DPP10: variants seen among roughly 807,000 people sequenced by gnomAD.
The protein encoded by DPP10 is inactive dipeptidyl peptidase 10.
Under a neutral mutation model 120.9 loss-of-function variants are expected in DPP10, and 33 were observed. The observed-to-expected ratio is 0.27, with a 90% CI of 0.21 to 0.37. The LOEUF is 0.37. Ranked by LOEUF, DPP10 falls within the 10% of genes least tolerant of loss-of-function variation. The pLI is 1.00. For missense variants in DPP10, 816 were observed against 942.8 expected, an observed-to-expected ratio of 0.87 and a Z score of 1.76; for synonymous variants, 337 against 326.1, an observed-to-expected ratio of 1.03 and a Z score of -0.36.
At position 114,567,193 on chromosome 2, in the gene DPP10, T is replaced by A. The variant is rs778411891; in HGVS notation, c.60+124355T>A. On this transcript the variant is annotated intron_variant, in intron 1 of 25. Coordinates refer to ENST00000410059, the MANE Select transcript of DPP10 (RefSeq NM_020868.6). Reference sequence around the variant, plus strand: ...CTTATAAACACCCTTATGAGGCAGGTACAATTTTTTTGGCTTATCTATCTT... The same window carrying A: ...CTTATAAACACCCTTATGAGGCAGGAACAATTTTTTTGGCTTATCTATCTT... 3.8e-4 allele frequency among the ~76,000 whole-genome samples: 58 copies of A among 152,266 alleles called. 1 individual carries two copies. Among genetic ancestry groups the A allele is most frequent in the Non-Finnish European group, 2.6e-4 (18 of 68,016 alleles).
chr2:115,164,860 G>A (rs2052711498), intron 1 of DPP10, among the ~76,000 whole-genome samples: 1 of 152,236 alleles, frequency 6.6e-6, no homozygotes, highest in Admixed American at 6.5e-5. Flanking sequence ...ACAAGAATAG[G>A]AGGGACCGTG....
At chr2:115,269,713 G>A (rs1459811074) in intron 1 of DPP10, among the ~76,000 whole-genome samples, 2 of 152,050 alleles carry the variant, frequency 1.3e-5, no homozygotes, top group Non-Finnish European at 2.9e-5. Flanking sequence ...AAATTGGAAG[G>A]GACATTCCAT....
At chr2:115,044,288 C>T (rs1043143452) in intron 1 of DPP10, among the ~76,000 whole-genome samples, 3 of 152,000 alleles carry the variant, frequency 2.0e-5, no homozygotes, top group Non-Finnish European at 4.4e-5. Flanking sequence ...TAAGATGCCT[C>T]ACATGGCCAG....
At chr2:115,759,307 T>G (rs1485390985) in intron 11 of DPP10, among the ~76,000 whole-genome samples, 2 of 151,892 alleles carry the variant, frequency 1.3e-5, no homozygotes, top group African/African-American at 4.8e-5. Context: ...CCTTGTAATT[T>G]TAGTTATTTG....
intron 7 of DPP10, among the ~76,000 whole-genome samples, chr2:115,691,144 A>T (rs950996629): frequency 6.6e-6 from 1 of 151,632 alleles, no homozygotes; most frequent in South Asian, 2.1e-4. Flanking sequence ...GGAACCCCTT[A>T]TATGTTCTGG....
intron 1 of DPP10, among the ~76,000 whole-genome samples, chr2:114,997,212 A>G (rs956584997): frequency 2.0e-5 from 3 of 151,876 alleles, no homozygotes; most frequent in Admixed American, 1.3e-4. Flanking sequence ...GTCTTGAATA[A>G]AAGTCATAGA....
At chr2:115,418,363 G>A (rs976674194) in intron 3 of DPP10, among the ~76,000 whole-genome samples, 8 of 152,154 alleles carry the variant, frequency 5.3e-5, no homozygotes, top group Admixed American at 4.6e-4. Flanking sequence ...GGGTAGATAC[G>A]CAGTGAGAGA....
At chr2:115,544,053 A>G (rs1018133516) in intron 5 of DPP10, among the ~76,000 whole-genome samples, 9 of 152,016 alleles carry the variant, frequency 5.9e-5, no homozygotes, top group African/African-American at 2.2e-4. Context: ...AAAAAAAAAA[A>G]CAATCCTGAA....
chr2:114,809,517 G>A (rs1298788069), intron 1 of DPP10, among the ~76,000 whole-genome samples: 1 of 152,142 alleles, frequency 6.6e-6, no homozygotes, highest in African/African-American at 2.4e-5. Context: ...TCTTTGTTTT[G>A]CAGTAAGTGG....
chr2:115,622,829 C>CTTTTTTTTTTTTT (rs765780452), intron 5 of DPP10, among the ~76,000 whole-genome samples: 7 of 128,330 alleles, frequency 5.5e-5, no homozygotes, highest in Non-Finnish European at 8.2e-5. Context: ...TTCGTTTATT[C>CTTTTTTTTTTTTT]TTTTTTTTTT....
At chr2:114,528,419 C>T (rs1399270450) in intron 1 of DPP10, among the ~76,000 whole-genome samples, 1 of 152,064 alleles carries the variant, frequency 6.6e-6, no homozygotes, top group Non-Finnish European at 1.5e-5. Flanking sequence ...AGCTGCTCCA[C>T]CCATTGTTCT....
intron 5 of DPP10, among the ~76,000 whole-genome samples, chr2:115,539,215 T>A (rs1054773359): frequency 6.6e-6 from 1 of 151,994 alleles, no homozygotes; most frequent in Admixed American, 6.6e-5. Flanking sequence ...ATTATGTAAT[T>A]GTGGAAAAGG....
At chr2:115,711,225 G>A (rs754619295) in intron 7 of DPP10, among the ~76,000 whole-genome samples, 8 of 152,020 alleles carry the variant, frequency 5.3e-5, no homozygotes, top group Non-Finnish European at 1.2e-4. Flanking sequence ...AGGTTTGAAA[G>A]TTATATACAT....
At chr2:115,445,548 A>G (rs1040057885) in intron 3 of DPP10, among the ~76,000 whole-genome samples, 1 of 152,210 alleles carries the variant, frequency 6.6e-6, no homozygotes, top group Admixed American at 6.5e-5. Flanking sequence ...CACTCTTGCT[A>G]TGCTTTAGCA....
intron 1 of DPP10, among the ~76,000 whole-genome samples, chr2:114,901,751 A>C (rs1693591649): frequency 6.6e-6 from 1 of 152,246 alleles, no homozygotes; most frequent in Non-Finnish European, 1.5e-5. Flanking sequence ...AGACCAGGGC[A>C]GAGCTTTCAG....
chr2:114,972,722 C>A (rs868776579), intron 1 of DPP10, among the ~76,000 whole-genome samples: 1 of 152,298 alleles, frequency 6.6e-6, no homozygotes, highest in African/African-American at 2.4e-5. Context: ...CTTCAGTATT[C>A]TAATCAAGAA....
chr2:114,712,413 T>C, intron 1 of DPP10, among the ~76,000 whole-genome samples: 1 of 152,216 alleles, frequency 6.6e-6, no homozygotes, highest in East Asian at 1.9e-4. Context: ...ATCCCCATTT[T>C]TCAAATGAGA....
chr2:114,769,397 G>A (rs1191675997), intron 1 of DPP10, among the ~76,000 whole-genome samples: 3 of 152,100 alleles, frequency 2.0e-5, no homozygotes, highest in African/African-American at 7.2e-5. Context: ...TAGTGGTGGT[G>A]TGATATTGAA....
chr2:115,702,196 G>A (rs910955160), intron 7 of DPP10, among the ~76,000 whole-genome samples: 1 of 151,936 alleles, frequency 6.6e-6, no homozygotes, highest in Non-Finnish European at 1.5e-5. Flanking sequence ...GGTCAAGTTT[G>A]TAGAACTTAG....
Sources: gnomAD v4.1 joint callset for allele counts (sites outside exome capture counted in the v4.1 genomes callset) on GRCh38, gnomAD v4.1.1 for gene constraint, MANE v1.5 for transcripts, NCBI Gene and HGNC (gene_info 2026-07-23, HGNC 2026-07-21) for gene names.